Variants in HSD17B7 observed in about 807,000 individuals in gnomAD.
The protein encoded by HSD17B7 is hydroxysteroid 17-beta dehydrogenase 7.
HSD17B7 carries 17 observed loss-of-function variants against 34.1 expected under a neutral mutation model. The observed-to-expected ratio is 0.50, with a 90% CI of 0.34 to 0.75. HSD17B7 has a LOEUF of 0.75. Among genes scored for constraint, HSD17B7 ranks in the 30% least tolerant of loss-of-function variants. The pLI, the probability that HSD17B7 is intolerant of heterozygous loss-of-function variation, is 0.01. For synonymous variants in HSD17B7, 122 were observed against 154.6 expected (o/e 0.79, Z 1.56); for missense variants, 296 against 406.6 (o/e 0.73, Z 2.34).
intron 5 of HSD17B7, among the ~76,000 whole-genome samples, chr1:162,800,695 T>C (rs960827722): frequency 1.3e-5 from 2 of 152,190 alleles, no homozygotes; most frequent in African/African-American, 2.4e-5. Flanking sequence ...ACATTTTCTT[T>C]TGTTTGCTTT....
rs760162468 is a variant in HSD17B7 at position 162,799,745 on chromosome 1, T to G, written c.450T>G (p.Ile150Met). ...ETNVFGHFIL[I>M]RELEPLLCHS... is the part of the protein sequence containing the mutation. ...CTTTTTTTTTTTCTTTCACCCAGAT[T>G]CGGGAACTGGAGCCTCTCCTCTGTC... Residue 150 changes from isoleucine (I) to methionine (M), a missense_variant and splice_region_variant, in exon 5 of 9, where the codon ATT becomes ATG. Transcript: ENST00000254521. 13 of 1,611,662 alleles carry G rather than the reference T, an allele frequency of 8.1e-6. No homozygotes were observed. The highest frequency in any genetic ancestry group is 1.7e-5 in the Admixed American group (1 of 59,636).
At chr1:162,797,494 TACCTG>T (rs1648657337) in intron 3 of HSD17B7, 1 of 241,680 alleles carries the variant, frequency 4.1e-6, no homozygotes, top group African/African-American at 2.2e-5. Flanking sequence ...TAGAACAGTT[TACCTG>T]TAACCTGATT....
intron 2 of HSD17B7, chr1:162,795,609 A>C (rs1223533609): frequency 2.2e-6 from 1 of 456,144 alleles, no homozygotes; most frequent in Non-Finnish European, 4.4e-6. Context: ...GTCATTTGTC[A>C]ATTATTTATA....
rs187550056 is a variant in HSD17B7 at position 162,811,120 on chromosome 1, A to C, written c.904-1178A>C. 1.4e-3 allele frequency among the ~76,000 whole-genome samples: 220 copies of C among 152,272 alleles called. 1 individual carries two copies. The highest frequency in any genetic ancestry group is 2.4e-3 in the Non-Finnish European group (163 of 68,032). ...CCTTTCCATGTTTAGTGCTTCCTTC[A>C]GGAGTTCTTGTAGGGCAGGCCTGGT... On this transcript the variant is annotated intron_variant, in intron 8 of 8. Coordinates refer to ENST00000254521, the MANE Select transcript of HSD17B7 (RefSeq NM_016371.4).
At chr1:162,806,130 A>G (rs531584696) in intron 8 of HSD17B7, among the ~76,000 whole-genome samples, 15 of 152,310 alleles carry the variant, frequency 9.8e-5, no homozygotes, top group Non-Finnish European at 1.9e-4. Flanking sequence ...ATAGAGTTAC[A>G]TACTGGGGAA....
chr1:162,796,658 T>C lies in HSD17B7; in HGVS notation c.313T>C (p.Phe105Leu). 6.2e-7 allele frequency: 1 copy of C among 1,608,428 alleles called. No individual in the cohort carries two copies. The highest frequency in any genetic ancestry group is 8.5e-7 in the Non-Finnish European group (1 of 1,174,864). Residue 105 changes from phenylalanine (F) to leucine (L), a missense_variant, in exon 3 of 9, where the codon TTC (phenylalanine) becomes CTC (leucine). By Grantham distance (22) the Phe-to-Leu change is conservative. Coordinates refer to ENST00000254521, the MANE Select transcript of HSD17B7 (RefSeq NM_016371.4). ...PNPQLNIKALFFGLFSRKVIH... is the reference protein window; with the variant it reads ...PNPQLNIKALLFGLFSRKVIH... ...TCCACAACTAAATATCAAAGCACTT[T>C]TCTTTGGCCTCTTTTCAAGGTAATT...
At chr1:162,800,904 G>T (rs1469412074) in intron 5 of HSD17B7, among the ~76,000 whole-genome samples, 1 of 152,200 alleles carries the variant, frequency 6.6e-6, no homozygotes, top group Non-Finnish European at 1.5e-5. Flanking sequence ...TAACTCTTAT[G>T]TGATGGTCTA....
chr1:162,793,792 C>T (rs1010968538), intron 2 of HSD17B7, among the ~76,000 whole-genome samples: 6 of 152,186 alleles, frequency 3.9e-5, no homozygotes, highest in Non-Finnish European at 8.8e-5. Flanking sequence ...AACTGAGACA[C>T]AGAAATAAGG....
intron 8 of HSD17B7, among the ~76,000 whole-genome samples, chr1:162,805,816 G>A (rs138743881): frequency 4.1e-4 from 62 of 152,314 alleles, no homozygotes; most frequent in South Asian, 2.1e-4. Flanking sequence ...ACCTGTTGCA[G>A]ATCATGCTTG....
intron 6 of HSD17B7, 51 bp from the exon 7 acceptor site, chr1:162,804,216 G>A (rs34770807): frequency 1.9e-5 from 25 of 1,325,698 alleles, no homozygotes; most frequent in East Asian, 9.3e-5. Context: ...TAATTCTTTC[G>A]TGACTCTATT....
intron 2 of HSD17B7, chr1:162,793,129 G>A (rs1648474613): frequency 1.2e-5 from 2 of 168,826 alleles, no homozygotes; most frequent in South Asian, 7.3e-5. Context: ...CACCTCCTGG[G>A]TTCCAAGTGA....
intron 5 of HSD17B7, among the ~76,000 whole-genome samples, chr1:162,802,323 A>G (rs1459974183): frequency 6.6e-6 from 1 of 152,164 alleles, no homozygotes; most frequent in African/African-American, 2.4e-5. Context: ...AATAGTCCCC[A>G]AGTGATCCTA....
At chr1:162,798,856 T>A (rs953459336) in intron 4 of HSD17B7, 2 of 270,326 alleles carry the variant, frequency 7.4e-6, no homozygotes, top group Admixed American at 9.2e-5. Flanking sequence ...TAGCCGAGTG[T>A]GGTGACGCAT....
intron 4 of HSD17B7, 26 bp downstream of exon 4, chr1:162,797,942 C>T: frequency 6.2e-7 from 1 of 1,611,458 alleles, no homozygotes; most frequent in South Asian, 1.1e-5. Flanking sequence ...GCTTAATAAG[C>T]TAATATTTCG....
intron 8 of HSD17B7, among the ~76,000 whole-genome samples, chr1:162,807,043 A>G (rs1649003119): frequency 6.6e-6 from 1 of 152,196 alleles, no homozygotes; most frequent in Admixed American, 6.5e-5. Context: ...TTACATATGT[A>G]TACATGTGCC....
intron 8 of HSD17B7, among the ~76,000 whole-genome samples, chr1:162,810,199 C>G (rs1472774757): frequency 1.3e-5 from 2 of 152,300 alleles, no homozygotes; most frequent in Admixed American, 1.3e-4. Flanking sequence ...GCCCTCATTT[C>G]GTTATGTACC....
chr1:162,809,213 T>G (rs1367643204), intron 8 of HSD17B7, among the ~76,000 whole-genome samples: 2 of 152,250 alleles, frequency 1.3e-5, no homozygotes, highest in African/African-American at 4.8e-5. Context: ...CTTTTCTGCA[T>G]CTGTTGAGAT....
At chr1:162,808,280 A>G (rs1195882300) in intron 8 of HSD17B7, among the ~76,000 whole-genome samples, 10 of 151,944 alleles carry the variant, frequency 6.6e-5, no homozygotes, top group Middle Eastern at 6.8e-3. Context: ...ATGGTTGTAG[A>G]TATGCAGCAT....
At chr1:162,807,215 C>T (rs1403727647) in intron 8 of HSD17B7, among the ~76,000 whole-genome samples, 1 of 152,170 alleles carries the variant, frequency 6.6e-6, no homozygotes. Context: ...TGAGTGAGAA[C>T]ATGCGGTGTT....
Sources: allele counts gnomAD v4.1 joint callset (sites outside exome capture counted in the v4.1 genomes callset), GRCh38; gene constraint gnomAD v4.1.1; transcripts MANE v1.5; gene names NCBI Gene and HGNC (gene_info 2026-07-23, HGNC 2026-07-21).